ADAP2: variants seen among roughly 807,000 people sequenced by gnomAD.
ADAP2 encodes the protein arf-GAP with dual PH domain-containing protein 2.
Under a neutral mutation model 54.9 loss-of-function variants are expected in ADAP2, and 42 were observed. That is an observed-to-expected ratio of 0.77 (90% CI 0.60 to 0.99). The LOEUF (loss-of-function observed/expected upper bound fraction) is 0.99, where lower values mean the gene tolerates loss of function less well. ADAP2 is among the 50% of genes least tolerant of loss of function. The pLI, the probability that ADAP2 is intolerant of heterozygous loss-of-function variation, is 0.00. For missense variants in ADAP2, 429 were observed against 480.4 expected, an observed-to-expected ratio of 0.89 and a Z score of 1.00; for synonymous variants, 177 against 180.1, an observed-to-expected ratio of 0.98 and a Z score of 0.14.
chr17:30,921,967 G>T lies in ADAP2; in HGVS notation c.-48G>T. On this transcript the variant is annotated 5_prime_UTR_variant, in exon 1 of 11. Transcript: ENST00000330889. ...CGGGTCCCTCTCCACCTGCCGGGCG[G>T]AGCGCACGGGCCATGGGCTGAGCCC... 1 of 1,197,056 alleles carries T rather than the reference G, an allele frequency of 8.4e-7. No individual in the cohort carries two copies. Among genetic ancestry groups the T allele is most frequent in the Non-Finnish European group, 1.0e-6 (1 of 959,282 alleles). The allele number at this position is 1,197,056 out of a possible 1,614,324, so 74.2% of individuals were successfully genotyped here.
At position 30,931,918 on chromosome 17, in the gene ADAP2, A is replaced by C; in HGVS notation, c.347A>C (p.Lys116Thr). The C allele has an allele frequency of 6.2e-7, 1 of 1,614,082 alleles. No individual in the cohort carries two copies. Among genetic ancestry groups the C allele is most frequent in the South Asian group, 1.1e-5 (1 of 91,076 alleles). ...LVLKEQWIRA[K>T]YERREFMADG... Reference sequence around the variant, plus strand: ...TTAAAGGAACAATGGATTCGAGCTAAGTATGAGAGACGGGAATTTATGGCT... The same window carrying C: ...TTAAAGGAACAATGGATTCGAGCTACGTATGAGAGACGGGAATTTATGGCT... The change falls in exon 4 of 11, where the codon AAG (lysine) becomes ACG (threonine). Residue 116 changes from lysine to threonine, a missense_variant. Transcript: ENST00000330889.
chr17:30,922,206 C>A lies in ADAP2; in HGVS notation c.94+98C>A, dbSNP rs1910667233. 6 of 922,072 alleles carry A rather than the reference C, an allele frequency of 6.5e-6. No homozygotes were observed. In the South Asian group the frequency reaches 2.7e-4, roughly 41 times the overall value. 57.1% of individuals were successfully genotyped at this position (922,072 alleles called of 1,614,324 possible). ...CCCCACCGGGTCCCGCCCTCGGCCC[C>A]CTGGACCCAGACGTGGCACCTGCGG... is the stretch of plus-strand genomic sequence containing the variant. On this transcript the variant is annotated intron_variant, in intron 1 of 10. Transcript: ENST00000330889.
intron 1 of ADAP2, among the ~76,000 whole-genome samples, chr17:30,922,416 C>G (rs975890613): frequency 6.6e-6 from 1 of 152,246 alleles, no homozygotes; most frequent in South Asian, 2.1e-4. Flanking sequence ...CAGTCCCGCT[C>G]TCTTCCCTGG....
intron 7 of ADAP2, 62 bp downstream of exon 7, chr17:30,949,432 C>A: frequency 6.7e-7 from 1 of 1,487,254 alleles, no homozygotes; most frequent in Non-Finnish European, 9.4e-7. Context: ...CTTTCCCTGT[C>A]TGTTGACCTC....
intron 5 of ADAP2, among the ~76,000 whole-genome samples, chr17:30,941,465 A>G (rs1230297299): frequency 6.6e-6 from 1 of 152,192 alleles, no homozygotes; most frequent in African/African-American, 2.4e-5. Context: ...AAGCTTCACC[A>G]TAAATGTTGA....
chr17:30,935,887 G>A (rs1247796960), intron 5 of ADAP2, among the ~76,000 whole-genome samples: 1 of 152,178 alleles, frequency 6.6e-6, no homozygotes, highest in African/African-American at 2.4e-5. Context: ...GTCATAGCAA[G>A]ACTTGGGATT....
intron 3 of ADAP2, among the ~76,000 whole-genome samples, chr17:30,928,489 A>C (rs1911237839): frequency 6.7e-6 from 1 of 150,246 alleles, no homozygotes; most frequent in Non-Finnish European, 1.5e-5. Context: ...ACTTTGTCTC[A>C]AAAAAAAAAT....
chr17:30,942,299 T>G (rs571693865), intron 5 of ADAP2, among the ~76,000 whole-genome samples: 12 of 152,314 alleles, frequency 7.9e-5, no homozygotes, highest in East Asian at 1.9e-4. Context: ...TCCATACCCA[T>G]CATATTGGCA....
chr17:30,949,767 A>AAG (rs1555569450), intron 7 of ADAP2, among the ~76,000 whole-genome samples: 18 of 150,084 alleles, frequency 1.2e-4, no homozygotes, highest in African/African-American at 4.5e-4. Flanking sequence ...AAAAAAAAAA[A>AAG]AAGAAGAAGA....
chr17:30,935,703 G>A (rs1341978929), intron 5 of ADAP2, among the ~76,000 whole-genome samples: 3 of 152,222 alleles, frequency 2.0e-5, no homozygotes, highest in African/African-American at 7.2e-5. Context: ...TTACCAGTCA[G>A]CTAGGAGCTT....
At chr17:30,933,434 T>A (rs1598032716) in intron 4 of ADAP2, among the ~76,000 whole-genome samples, 2 of 152,172 alleles carry the variant, frequency 1.3e-5, no homozygotes, top group Non-Finnish European at 2.9e-5. Context: ...GTGATCTGTC[T>A]GCCTTGGCTT....
rs1484347564 is a variant in ADAP2 at position 30,921,954 on chromosome 17, C to G, written c.-61C>G. ...GAGGCGCCGCGGCCGGGTCCCTCTCCACCTGCCGGGCGGAGCGCACGGGCC... is the reference window on the plus strand; with the variant it reads ...GAGGCGCCGCGGCCGGGTCCCTCTCGACCTGCCGGGCGGAGCGCACGGGCC... On this transcript the variant is annotated 5_prime_UTR_variant, in exon 1 of 11. Transcript: ENST00000330889. 8.6e-7 allele frequency: 1 copy of G among 1,164,534 alleles called. No homozygotes were observed. Among genetic ancestry groups the G allele is most frequent in the Non-Finnish European group, 1.1e-6 (1 of 930,600 alleles). 72.1% of individuals were successfully genotyped at this position (1,164,534 alleles called of 1,614,324 possible). A position where few individuals can be genotyped will look rare whatever the true frequency, so the allele number is the denominator to read the frequency against.
chr17:30,941,785 TG>T (rs1398335078), intron 5 of ADAP2, among the ~76,000 whole-genome samples: 6 of 152,180 alleles, frequency 3.9e-5, no homozygotes, highest in African/African-American at 1.4e-4. Flanking sequence ...GGTGTTGGAA[TG>T]GGGTAGAGAT....
chr17:30,926,964 T>G (rs750214281), intron 3 of ADAP2, 46 bp downstream of exon 3: 21 of 1,426,720 alleles, frequency 1.5e-5, no homozygotes, highest in Non-Finnish European at 2.1e-5. Flanking sequence ...TCTGTCCTGG[T>G]TCCACCTCCT....
rs115681086 is a variant in ADAP2 at position 30,957,023 on chromosome 17, C to T, written c.1111+554C>T. 5.0e-3 allele frequency: 789 copies of T among 156,268 alleles called. 10 individuals carry two copies. The highest frequency in any genetic ancestry group is 0.018 in the African/African-American group (749 of 41,588). The allele number at this position is 156,268 out of a possible 1,614,324, so 9.7% of individuals were successfully genotyped here. Reference sequence around the variant, plus strand: ...CCCTGTGAAAAAAGGGGAGACATGCCGAGCTCCGGCAGGAAACTGCTGGCC... The same window carrying T: ...CCCTGTGAAAAAAGGGGAGACATGCTGAGCTCCGGCAGGAAACTGCTGGCC... On this transcript the variant is annotated intron_variant, in intron 10 of 10. Transcript: ENST00000330889.
intron 5 of ADAP2, among the ~76,000 whole-genome samples, chr17:30,935,774 T>C (rs1911828022): frequency 1.3e-5 from 2 of 152,038 alleles, no homozygotes; most frequent in African/African-American, 4.8e-5. Flanking sequence ...GCTAGAAGTG[T>C]GTTTGGTGGG....
intron 8 of ADAP2, chr17:30,954,155 G>A (rs1904886387): frequency 8.6e-6 from 2 of 232,794 alleles, no homozygotes; most frequent in Non-Finnish European, 1.7e-5. Flanking sequence ...CCAAGCAGTA[G>A]CCACTTCTGA....
At chr17:30,939,917 T>G (rs1162423897) in intron 5 of ADAP2, among the ~76,000 whole-genome samples, 3 of 152,062 alleles carry the variant, frequency 2.0e-5, no homozygotes, top group African/African-American at 7.2e-5. Context: ...CAATTGAGGG[T>G]CCTGGGAATT....
intron 7 of ADAP2, among the ~76,000 whole-genome samples, chr17:30,949,618 A>G (rs1013155372): frequency 1.9e-4 from 29 of 152,034 alleles, no homozygotes; most frequent in Admixed American, 1.2e-3. Flanking sequence ...GTGTGGTGGC[A>G]GGCGCCTGTA....
Sources: allele counts gnomAD v4.1 joint callset (sites outside exome capture counted in the v4.1 genomes callset), GRCh38; gene constraint gnomAD v4.1.1; transcripts MANE v1.5; gene names NCBI Gene and HGNC (gene_info 2026-07-23, HGNC 2026-07-21).